The following DNAJC5B variants were observed in gnomAD, a reference collection of about 807,000 sequenced individuals.
DNAJC5B encodes the protein dnaJ homolog subfamily C member 5B.
Under a neutral mutation model 24.7 loss-of-function variants are expected in DNAJC5B, and 23 were observed. That is an observed-to-expected ratio of 0.93 (90% CI 0.67 to 1.32). The LOEUF (loss-of-function observed/expected upper bound fraction) is 1.32. Among genes scored for constraint, DNAJC5B ranks in the 40% most tolerant of loss-of-function variants. The probability of loss-of-function intolerance (pLI) is 0.00; values close to 1 mark genes in which losing one functional copy is unlikely to be tolerated. For synonymous variants in DNAJC5B, 101 were observed against 90.1 expected (o/e 1.12, Z -0.68); for missense variants, 238 against 240.8 (o/e 0.99, Z 0.08).
At chr8:66,052,752 T>A (rs1335423647) in intron 3 of DNAJC5B, among the ~76,000 whole-genome samples, 1 of 152,228 alleles carries the variant, frequency 6.6e-6, no homozygotes, top group Admixed American at 6.5e-5. Flanking sequence ...ATGTAGCCTA[T>A]CTGATACTTG....
chr8:66,019,436 A>T (rs1806050950), upstream of DNAJC5B, among the ~76,000 whole-genome samples: 1 of 152,256 alleles, frequency 6.6e-6, no homozygotes. Flanking sequence ...TGGCAAAAAA[A>T]GGGATTACTT....
At chr8:66,037,035 C>T (rs562103295) in intron 1 of DNAJC5B, among the ~76,000 whole-genome samples, 14 of 152,254 alleles carry the variant, frequency 9.2e-5, no homozygotes, top group East Asian at 5.8e-4. Flanking sequence ...TTCCTGGGCT[C>T]ATCCTTTTAA....
At chr8:66,083,036 GTC>G (rs1162692799) in intron 5 of DNAJC5B, among the ~76,000 whole-genome samples, 1 of 106,228 alleles carries the variant, frequency 9.4e-6, no homozygotes, top group African/African-American at 3.9e-5. Context: ...TTGAGATGAA[GTC>G]TCTCTCTCTG....
At chr8:66,077,346 G>A (rs1421164194) in intron 4 of DNAJC5B, among the ~76,000 whole-genome samples, 2 of 152,116 alleles carry the variant, frequency 1.3e-5, no homozygotes, top group Non-Finnish European at 2.9e-5. Context: ...AGGAAATTAG[G>A]GGGAAAAGGT....
At chr8:66,071,596 G>A (rs1380476412) in intron 3 of DNAJC5B, among the ~76,000 whole-genome samples, 1 of 152,116 alleles carries the variant, frequency 6.6e-6, no homozygotes, top group Admixed American at 6.6e-5. Context: ...GCTTTTACAC[G>A]TTAGTGGGAG....
At chr8:66,081,980 T>TTCCTTA in intron 5 of DNAJC5B, among the ~76,000 whole-genome samples, 1 of 152,144 alleles carries the variant, frequency 6.6e-6, no homozygotes, top group African/African-American at 2.4e-5. Flanking sequence ...AGTAAATGGG[T>TTCCTTA]TAAGGAGTAA....
At chr8:66,041,239 T>C (rs528198155) in intron 1 of DNAJC5B, among the ~76,000 whole-genome samples, 51 of 152,234 alleles carry the variant, frequency 3.4e-4, no homozygotes, top group Non-Finnish European at 5.6e-4. Context: ...CAATAATGCC[T>C]TTGTTCATCA....
chr8:66,062,986 C>T (rs371684544), intron 3 of DNAJC5B, among the ~76,000 whole-genome samples: 1 of 152,156 alleles, frequency 6.6e-6, no homozygotes, highest in African/African-American at 2.4e-5. Context: ...CTCCAGCCTA[C>T]GTGGCAGAGT....
At position 66,100,297 on chromosome 8, in the gene DNAJC5B, A is replaced by G. The variant is rs1808047889; in HGVS notation, c.*266A>G. 6 of 303,606 alleles carry G rather than the reference A, an allele frequency of 2.0e-5. No homozygotes were observed. The East Asian group carries it at 3.4e-4, about 17-fold the overall frequency. The allele number at this position is 303,606 out of a possible 1,614,324, so 18.8% of individuals were successfully genotyped here. ...CTCCTTGCCTGATGTAGGACAGTGGAATTGTACAGCCTTTATGAACCTGCC... is the reference window on the plus strand; with the variant it reads ...CTCCTTGCCTGATGTAGGACAGTGGGATTGTACAGCCTTTATGAACCTGCC... On this transcript the variant is annotated 3_prime_UTR_variant, in exon 6 of 6. Transcript: ENST00000276570.
intron 2 of DNAJC5B, among the ~76,000 whole-genome samples, chr8:66,045,865 T>C (rs1586077107): frequency 1.3e-5 from 2 of 152,296 alleles, no homozygotes; most frequent in South Asian, 2.1e-4. Flanking sequence ...GGAGTCTTCC[T>C]TTGTGAAAAG....
At chr8:66,018,375 G>C (rs1034170849), upstream of DNAJC5B, among the ~76,000 whole-genome samples, 4 of 107,130 alleles carry the variant, frequency 3.7e-5, no homozygotes, top group African/African-American at 3.0e-4. Context: ...AAAATTAGCT[G>C]GGCGTGGTGG....
At chr8:66,030,156 G>T (rs1416479124) in intron 1 of DNAJC5B, among the ~76,000 whole-genome samples, 1 of 152,136 alleles carries the variant, frequency 6.6e-6, no homozygotes, top group Non-Finnish European at 1.5e-5. Context: ...TCTTCATCAG[G>T]AGGCGAGTCT....
At chr8:66,091,925 C>T (rs1162029816) in intron 5 of DNAJC5B, among the ~76,000 whole-genome samples, 2 of 152,072 alleles carry the variant, frequency 1.3e-5, no homozygotes, top group Non-Finnish European at 2.9e-5. Context: ...AAAGGACAAA[C>T]ATTGTATGAT....
chr8:66,028,748 T>G (rs1806299533), intron 1 of DNAJC5B, among the ~76,000 whole-genome samples: 1 of 152,156 alleles, frequency 6.6e-6, no homozygotes, highest in Non-Finnish European at 1.5e-5. Flanking sequence ...GTCTGGGCCC[T>G]CATCTCCTCA....
chr8:66,068,681 A>G (rs1807276983), intron 3 of DNAJC5B, among the ~76,000 whole-genome samples: 1 of 152,094 alleles, frequency 6.6e-6, no homozygotes, highest in African/African-American at 2.4e-5. Flanking sequence ...AAGCCATTTG[A>G]AAAAACAACA....
At chr8:66,067,828 C>T (rs947270352) in intron 3 of DNAJC5B, among the ~76,000 whole-genome samples, 2 of 152,154 alleles carry the variant, frequency 1.3e-5, no homozygotes, top group African/African-American at 4.8e-5. Context: ...TCAACCAATG[C>T]CAAGCAGAGC....
chr8:66,097,378 A>G (rs186956256), intron 5 of DNAJC5B, among the ~76,000 whole-genome samples: 2 of 152,096 alleles, frequency 1.3e-5, no homozygotes, highest in East Asian at 3.9e-4. Flanking sequence ...CCTCCTCTTG[A>G]ACAATACAAG....
intron 5 of DNAJC5B, among the ~76,000 whole-genome samples, chr8:66,086,999 G>A (rs73691285): frequency 0.013 from 1,991 of 152,108 alleles, 64 homozygotes; most frequent in African/African-American, 0.045. Flanking sequence ...AAAGGAACAG[G>A]GATTAACTAG....
intron 3 of DNAJC5B, among the ~76,000 whole-genome samples, chr8:66,053,771 A>G (rs1294420444): frequency 2.0e-5 from 3 of 152,048 alleles, no homozygotes; most frequent in Non-Finnish European, 4.4e-5. Context: ...CTGGGATTAC[A>G]GGTGCCTGTC....
Sources: gnomAD v4.1 joint callset for allele counts (sites outside exome capture counted in the v4.1 genomes callset) on GRCh38, gnomAD v4.1.1 for gene constraint, MANE v1.5 for transcripts, NCBI Gene and HGNC (gene_info 2026-07-23, HGNC 2026-07-21) for gene names.